The following CHAT variants were observed in gnomAD, a reference collection of about 807,000 sequenced individuals.
CHAT encodes the protein choline O-acetyltransferase.
In CHAT, 61 loss-of-function variants were observed where a neutral mutation model predicts 76.9. That is an observed-to-expected ratio of 0.79 (90% CI 0.65 to 0.98). The LOEUF is 0.98. Ranked by LOEUF, CHAT falls within the 50% of genes least tolerant of loss-of-function variation. The pLI is 0.00. For missense variants in CHAT, 946 were observed against 986.9 expected (o/e 0.96, Z 0.56); for synonymous variants, 407 against 397.4 (o/e 1.02, Z -0.29).
Position 49,664,892 on chromosome 10 carries a change from G to A in CHAT, c.2093G>A (p.Ser698Asn). ...CTTTTCTGCATCTCTAGCTTTCACAGCTGCAAAGAGACTTCTTCTAGCAAG... is the reference window on the plus strand; with the variant it reads ...CTTTTCTGCATCTCTAGCTTTCACAACTGCAAAGAGACTTCTTCTAGCAAG... ...TILFCISSFH[S>N]CKETSSSKFA... Residue 698 changes from serine to asparagine, a missense_variant, in exon 15 of 15, where the codon AGC becomes AAC. Ser to Asn is a conservative substitution (Grantham distance 46). Around this residue, in one of 3 missense-constraint regions of CHAT, gnomAD observed 349 missense variants for 393.9 expected, o/e 0.89. Transcript: ENST00000337653. 4 of 1,614,238 alleles carry A rather than the reference G, an allele frequency of 2.5e-6. No homozygotes were observed. Among genetic ancestry groups the A allele is most frequent in the Non-Finnish European group, 3.4e-6 (4 of 1,180,038 alleles).
intron 4 of CHAT, among the ~76,000 whole-genome samples, chr10:49,621,196 T>C (rs1838695008): frequency 1.3e-5 from 2 of 152,168 alleles, no homozygotes; most frequent in Non-Finnish European, 2.9e-5. Flanking sequence ...TCTTAAGACC[T>C]GAGTGGGGCA....
intron 14 of CHAT, among the ~76,000 whole-genome samples, chr10:49,664,322 C>T (rs1840285716): frequency 6.6e-6 from 1 of 152,208 alleles, no homozygotes; most frequent in South Asian, 2.1e-4. Context: ...CCAGGCAATA[C>T]TGACAGTAAT....
chr10:49,660,657 A>G (rs1451603861), intron 13 of CHAT, among the ~76,000 whole-genome samples: 1 of 152,218 alleles, frequency 6.6e-6, no homozygotes, highest in African/African-American at 2.4e-5. Context: ...GGATTTCTAA[A>G]CGATATAAAT....
chr10:49,660,965 C>G (rs561450120), intron 13 of CHAT, among the ~76,000 whole-genome samples: 33 of 152,288 alleles, frequency 2.2e-4, no homozygotes, highest in Middle Eastern at 3.4e-3. Context: ...CCATCACTTA[C>G]TCTCCCACTT....
At chr10:49,661,440 G>A (rs1840190959) in intron 13 of CHAT, 1 of 152,214 alleles carries the variant, frequency 6.6e-6, no homozygotes, top group South Asian at 2.1e-4. Context: ...GTGAGCTGTG[G>A]TTGTGTAATG....
chr10:49,611,769 C>T (rs1838303977), upstream of CHAT: 34 of 1,603,350 alleles, frequency 2.1e-5, no homozygotes, highest in Non-Finnish European at 2.3e-5. Context: ...TGGGCGTCTA[C>T]CTCACCGTGC....
intron 7 of CHAT, among the ~76,000 whole-genome samples, chr10:49,640,191 A>T (rs1457790001): frequency 6.6e-6 from 1 of 151,808 alleles, no homozygotes; most frequent in Admixed American, 6.6e-5. Context: ...TATTTATTTG[A>T]GACGGAGTCT....
chr10:49,661,348 C>G (rs1293406029), intron 13 of CHAT: 1 of 152,134 alleles, frequency 6.6e-6, no homozygotes, highest in African/African-American at 2.4e-5. Context: ...TAGAGGAAAC[C>G]AGAGAAATTA....
chr10:49,621,197 G>C (rs924392739), intron 4 of CHAT, among the ~76,000 whole-genome samples: 4 of 152,202 alleles, frequency 2.6e-5, no homozygotes, highest in Non-Finnish European at 5.9e-5. Context: ...CTTAAGACCT[G>C]AGTGGGGCAA....
In CHAT at chr10:49,648,902, G is replaced by A. The variant is rs1048862381; in HGVS notation, c.1382+295G>A. 7.2e-5 allele frequency among the ~76,000 whole-genome samples: 11 copies of A among 152,130 alleles called. No homozygotes were observed. In the East Asian group the frequency reaches 2.1e-3, roughly 29 times the overall value. On this transcript the variant is annotated intron_variant, in intron 9 of 14. Coordinates refer to ENST00000337653, the MANE Select transcript of CHAT (RefSeq NM_020549.5). ...CCTTGAGAGAGGGGAAGCCTACATCGATACCTATTGCTTATCCTGAGTCAG... is the reference window on the plus strand; with the variant it reads ...CCTTGAGAGAGGGGAAGCCTACATCAATACCTATTGCTTATCCTGAGTCAG...
At chr10:49,618,628 G>A (rs1838584770) in intron 2 of CHAT, among the ~76,000 whole-genome samples, 1 of 152,152 alleles carries the variant, frequency 6.6e-6, no homozygotes. Context: ...CCACTCTCTG[G>A]GACTCAGTTT....
At chr10:49,646,383 C>A in intron 7 of CHAT, 122 bp from the exon 8 acceptor site, 1 of 1,301,410 alleles carries the variant, frequency 7.7e-7, no homozygotes. Flanking sequence ...AGGGCTGGCT[C>A]AAGACCTGGG....
chr10:49,644,741 G>A (rs1183436578), intron 7 of CHAT, among the ~76,000 whole-genome samples: 4 of 152,332 alleles, frequency 2.6e-5, no homozygotes, highest in African/African-American at 7.2e-5. Context: ...ATGGGGACTG[G>A]AGACTCCTTT....
rs757287480 is a variant in CHAT at position 49,619,891 on chromosome 10, A to T, written c.554A>T (p.Glu185Val). 1 of 1,612,566 alleles carries T rather than the reference A, an allele frequency of 6.2e-7. No individual in the cohort carries two copies. Reference sequence around the variant, plus strand: ...GAGACCCTGCAGCAGAAACTCCTGGAGCGGCAGGAGAAGACAGCCAACTGG... The same window carrying T: ...GAGACCCTGCAGCAGAAACTCCTGGTGCGGCAGGAGAAGACAGCCAACTGG... ...LGETLQQKLL[E>V]RQEKTANWVS... The change falls in exon 3 of 15, where the codon GAG (glutamate) becomes GTG (valine). Residue 185 changes from glutamate to valine, a missense_variant. By Grantham distance (121) the Glu-to-Val change is moderately radical. Around this residue, in one of 3 missense-constraint regions of CHAT, gnomAD observed 548 missense variants for 516.2 expected, o/e 1.06. Coordinates refer to ENST00000337653, the MANE Select transcript of CHAT (RefSeq NM_020549.5).
At chr10:49,611,363 C>T (rs374160245), upstream of CHAT, 21 of 1,600,202 alleles carry the variant, frequency 1.3e-5, no homozygotes, top group Non-Finnish European at 1.4e-5. Flanking sequence ...CCGGAGGAGC[C>T]GGAGCGCAGT....
intron 4 of CHAT, 87 bp from the exon 5 acceptor site, chr10:49,622,010 G>A: frequency 2.0e-6 from 3 of 1,468,346 alleles, no homozygotes; most frequent in Non-Finnish European, 1.9e-6. Flanking sequence ...AAGGAAGAGG[G>A]AAGGAGGGAG....
rs142454032 is a variant in CHAT, at chr10:49,627,793, G to A, written c.1111+8G>A. On this transcript the variant is annotated splice_region_variant and intron_variant, in intron 7 of 14. Coordinates refer to ENST00000337653, the MANE Select transcript of CHAT (RefSeq NM_020549.5). ...GGACGGTCCTCGTGAAAGGTCAGCC[G>A]CAGTGCCCAGCACATCTCCATGCCC... 3.4e-4 allele frequency: 556 copies of A among 1,611,986 alleles called. 2 individuals carry two copies. The African/African-American group carries it at 5.9e-3, about 17-fold the overall frequency.
chr10:49,667,265 T>C lies in CHAT; in HGVS notation c.*2219T>C, dbSNP rs1277644441. Among the ~76,000 whole-genome samples, 2 of 152,022 alleles carry C rather than the reference T, an allele frequency of 1.3e-5. No individual in the cohort carries two copies. Among genetic ancestry groups the C allele is most frequent in the Non-Finnish European group, 2.9e-5 (2 of 67,984 alleles). On this transcript the variant is annotated 3_prime_UTR_variant, in exon 15 of 15. Coordinates refer to ENST00000337653, the MANE Select transcript of CHAT (RefSeq NM_020549.5). ...TATGGCATGCTATCATGGGGTCAAG[T>C]AGGGGCAGGGAGGCTTCATGGGGCC... is the stretch of plus-strand genomic sequence containing the variant.
At chr10:49,646,962 C>T (rs747969391) in intron 8 of CHAT, 6 of 494,718 alleles carry the variant, frequency 1.2e-5, no homozygotes, top group Middle Eastern at 5.6e-4. Context: ...CCAGGAAGGT[C>T]TGGGCCAGAC....
Sources: gnomAD v4.1 joint callset for allele counts (sites outside exome capture counted in the v4.1 genomes callset) on GRCh38, gnomAD v4.1.1 for gene constraint, gnomAD v4.1.1 regional missense constraint, MANE v1.5 for transcripts, NCBI Gene and HGNC (gene_info 2026-07-23, HGNC 2026-07-21) for gene names.